The following PPP1R15B variants were observed in gnomAD, a reference collection of about 807,000 sequenced individuals.
The protein encoded by PPP1R15B is protein phosphatase 1, regulatory (inhibitor) subunit 15B.
PPP1R15B carries 31 observed loss-of-function variants against 53.9 expected under a neutral mutation model. That is an observed-to-expected ratio of 0.58 (90% CI 0.43 to 0.78). The LOEUF is 0.78. Among genes scored for constraint, PPP1R15B ranks in the 30% least tolerant of loss-of-function variants. The pLI is 0.00. For missense variants in PPP1R15B, 928 were observed against 849.6 expected (o/e 1.09, Z -1.15); for synonymous variants, 345 against 329.1 (o/e 1.05, Z -0.52).
downstream of PPP1R15B, among the ~76,000 whole-genome samples, chr1:204,397,012 A>T (rs1448046222): frequency 6.6e-6 from 1 of 151,908 alleles, no homozygotes; most frequent in African/African-American, 2.4e-5. Context: ...ATATAGGGAG[A>T]TCTCGCCCCT....
chr1:204,401,958 T>G (rs2103440628), downstream of PPP1R15B, among the ~76,000 whole-genome samples: 1 of 152,270 alleles, frequency 6.6e-6, no homozygotes, highest in African/African-American at 2.4e-5. Context: ...GGTCAGCAAT[T>G]AAATATTTGC....
At chr1:204,396,388 A>AC (rs1407323386), downstream of PPP1R15B, among the ~76,000 whole-genome samples, 103 of 149,524 alleles carry the variant, frequency 6.9e-4, no homozygotes, top group African/African-American at 2.2e-3. Flanking sequence ...AAAAACAAAA[A>AC]AAAAAAAACA....
Position 204,405,685 on chromosome 1 carries a change from A to C in PPP1R15B, c.*407T>G. 1 of 985,180 alleles carries C rather than the reference A, an allele frequency of 1.0e-6. No homozygotes were observed. Among genetic ancestry groups the C allele is most frequent in the Non-Finnish European group, 1.2e-6 (1 of 828,780 alleles). 61.0% of individuals were successfully genotyped at this position (985,180 alleles called of 1,614,324 possible). A position where few individuals can be genotyped will look rare whatever the true frequency, so the allele number is the denominator to read the frequency against. On this transcript the variant is annotated 3_prime_UTR_variant, in exon 2 of 2. Coordinates refer to ENST00000367188, the MANE Select transcript of PPP1R15B (RefSeq NM_032833.5). ...GAATTTTGGGAAAGAAACAAGAAAG[A>C]GCCCAAAGTTTTCAGATAGGCACAC...
chr1:204,396,155 G>A (rs1330587503), downstream of PPP1R15B, among the ~76,000 whole-genome samples: 6 of 151,922 alleles, frequency 3.9e-5, no homozygotes, highest in African/African-American at 1.5e-4. Context: ...CCACAGAAGG[G>A]TCCATGCTGT....
At chr1:204,397,571 A>G (rs1674114091), downstream of PPP1R15B, among the ~76,000 whole-genome samples, 1 of 152,254 alleles carries the variant, frequency 6.6e-6, no homozygotes, top group African/African-American at 2.4e-5. Context: ...TACCACAAAA[A>G]AAATGCTAAG....
chr1:204,408,634 G>A (rs1486176974), intron 1 of PPP1R15B, among the ~76,000 whole-genome samples: 2 of 152,180 alleles, frequency 1.3e-5, no homozygotes, highest in African/African-American at 4.8e-5. Context: ...TTTGAGTTTG[G>A]AGAAGAGTTC....
downstream of PPP1R15B, among the ~76,000 whole-genome samples, chr1:204,401,505 C>A (rs1347346529): frequency 6.6e-6 from 1 of 152,012 alleles, no homozygotes; most frequent in Non-Finnish European, 1.5e-5. Flanking sequence ...AGAAAGGTAC[C>A]CTGGGAAGCA....
At chr1:204,402,601 T>G (rs1674196625), downstream of PPP1R15B, among the ~76,000 whole-genome samples, 1 of 151,854 alleles carries the variant, frequency 6.6e-6, no homozygotes, top group Admixed American at 6.6e-5. Flanking sequence ...TGTTTTTTTT[T>G]GTAGAGGAAA....
downstream of PPP1R15B, among the ~76,000 whole-genome samples, chr1:204,398,190 T>C (rs1674121176): frequency 6.6e-6 from 1 of 152,130 alleles, no homozygotes; most frequent in African/African-American, 2.4e-5. Flanking sequence ...TAAAAAAGTA[T>C]ACAAGGGCCA....
Position 204,410,485 on chromosome 1 carries a change from C to T in PPP1R15B, c.927G>A (p.Lys309=), listed in dbSNP as rs1674348585. 2 of 1,614,162 alleles carry T rather than the reference C, an allele frequency of 1.2e-6. No individual in the cohort carries two copies. Among genetic ancestry groups the T allele is most frequent in the East Asian group, 4.5e-5 (2 of 44,876 alleles). ...GGTCAGGGGTGGGTAAATCTTGCCCCTTGCTAGCCTGTTGAAGGAATTCCA... is the reference window on the plus strand; with the variant it reads ...GGTCAGGGGTGGGTAAATCTTGCCCTTTGCTAGCCTGTTGAAGGAATTCCA... ...KRLEFLQQAS[K]GQDLPTPDQD... is the part of the protein sequence containing the mutation. Residue 309 remains lysine, a synonymous_variant, in exon 1 of 2, where the codon AAG becomes AAA. Transcript: ENST00000367188.
At chr1:204,409,168 A>C (rs963593198) in intron 1 of PPP1R15B, among the ~76,000 whole-genome samples, 3 of 152,242 alleles carry the variant, frequency 2.0e-5, no homozygotes, top group African/African-American at 7.2e-5. Flanking sequence ...TGTACACACA[A>C]AGTTTAATAG....
chr1:204,409,665 T>G lies in PPP1R15B; in HGVS notation c.1747A>C (p.Lys583Gln), dbSNP rs536199253. The G allele has an allele frequency of 6.2e-7, 1 of 1,614,136 alleles. No homozygotes were observed. The highest frequency in any genetic ancestry group is 1.1e-5 in the South Asian group (1 of 91,080). Residue 583 changes from lysine (K) to glutamine (Q), a missense_variant, in exon 1 of 2, where the codon AAA (lysine) becomes CAA (glutamine). Transcript: ENST00000367188. Reference sequence around the variant, plus strand: ...GGGGTCTTTGAGTCACGACAGCCTTTCTCATTTTCCCCTGATGTTTGAAAA... The same window carrying G: ...GGGGTCTTTGAGTCACGACAGCCTTGCTCATTTTCCCCTGATGTTTGAAAA... ...APFQTSGENEKGCRDSKTPSE... is the reference protein window; with the variant it reads ...APFQTSGENEQGCRDSKTPSE...
chr1:204,396,495 G>C (rs1674102198), downstream of PPP1R15B, among the ~76,000 whole-genome samples: 1 of 151,034 alleles, frequency 6.6e-6, no homozygotes. Flanking sequence ...TAAGGCTGCA[G>C]TGAGCCGTGA....
At position 204,405,808 on chromosome 1, in the gene PPP1R15B, TCC is replaced by T; in HGVS notation, c.*282_*283del. On this transcript the variant is annotated 3_prime_UTR_variant, in exon 2 of 2. Transcript: ENST00000367188. ...AGTGCAAAATGACAACTCAAAAAGG[TCC>T]CCTTTCCACCTCATGCAGGCAAAGG... 9.0e-7 allele frequency: 1 copy of T among 1,105,458 alleles called. No individual in the cohort carries two copies. The highest frequency in any genetic ancestry group is 5.5e-5 in the East Asian group (1 of 18,136). 68.5% of individuals were successfully genotyped at this position (1,105,458 alleles called of 1,614,324 possible).
Position 204,411,309 on chromosome 1 carries a change from T to C in PPP1R15B, c.103A>G (p.Lys35Glu), listed in dbSNP as rs1558217868. The change falls in exon 1 of 2, where the codon AAG (lysine) becomes GAG (glutamate). Residue 35 changes from lysine (K) to glutamate (E), a missense_variant. Physicochemically the swap from Lys to Glu is moderately conservative, Grantham distance 56. Transcript: ENST00000367188. ...FPRRSQAGSSKFPTPLGPENS... is the reference protein window; with the variant it reads ...FPRRSQAGSSEFPTPLGPENS... ...TCCGGGCCAAGAGGCGTCGGGAACTTAGAAGAGCCTGCTTGCGATCGCCGA... is the reference window on the plus strand; with the variant it reads ...TCCGGGCCAAGAGGCGTCGGGAACTCAGAAGAGCCTGCTTGCGATCGCCGA... 1.2e-6 allele frequency: 2 copies of C among 1,614,110 alleles called. No homozygotes were observed. The highest frequency in any genetic ancestry group is 8.5e-7 in the Non-Finnish European group (1 of 1,180,028).
At chr1:204,402,780 A>C (rs1054947918), downstream of PPP1R15B, among the ~76,000 whole-genome samples, 3 of 151,796 alleles carry the variant, frequency 2.0e-5, no homozygotes, top group African/African-American at 7.3e-5. Flanking sequence ...CGTGATTAGT[A>C]ACACACAAAA....
chr1:204,406,752 C>CAAA (rs57333453), intron 1 of PPP1R15B, among the ~76,000 whole-genome samples: 1 of 146,922 alleles, frequency 6.8e-6, no homozygotes, highest in Non-Finnish European at 1.5e-5. Flanking sequence ...AACTCTGTCT[C>CAAA]AAAAAAAAAA....
Position 204,411,434 on chromosome 1 carries a change from C to A in PPP1R15B, c.-23G>T, listed in dbSNP as rs983014624. The A allele has an allele frequency of 2.1e-5, 33 of 1,598,214 alleles. No homozygotes were observed. The highest frequency in any genetic ancestry group is 4.5e-5 in the East Asian group (2 of 44,830). On this transcript the variant is annotated 5_prime_UTR_variant, in exon 1 of 2. Coordinates refer to ENST00000367188, the MANE Select transcript of PPP1R15B (RefSeq NM_032833.5). Reference sequence around the variant, plus strand: ...CATCTCCTTTTTCTTGACAGTCTCTCAGGTAGGGCCGCGGCGCTCAGCGGC... The same window carrying A: ...CATCTCCTTTTTCTTGACAGTCTCTAAGGTAGGGCCGCGGCGCTCAGCGGC...
rs1339573119 is a variant in PPP1R15B at position 204,404,112 on chromosome 1, C to A, written c.*1980G>T. ...AAGGCTTTTTTCAAGGCAAATGACG[C>A]CTGCTTTCCAACCGACATTGCTGTT... is the stretch of plus-strand genomic sequence containing the variant. On this transcript the variant is annotated 3_prime_UTR_variant, in exon 2 of 2. Transcript: ENST00000367188. 26 of 985,258 alleles carry A rather than the reference C, an allele frequency of 2.6e-5. No homozygotes were observed. The highest frequency in any genetic ancestry group is 2.7e-5 in the Non-Finnish European group (22 of 829,938). The allele number at this position is 985,258 out of a possible 1,614,324, so 61.0% of individuals were successfully genotyped here.
Sources: gnomAD v4.1 joint callset for allele counts (sites outside exome capture counted in the v4.1 genomes callset) on GRCh38, gnomAD v4.1.1 for gene constraint, MANE v1.5 for transcripts, NCBI Gene and HGNC (gene_info 2026-07-23, HGNC 2026-07-21) for gene names.